The following POPDC1 variants were observed in gnomAD, a reference collection of about 807,000 sequenced individuals.
POPDC1 encodes the protein popeye domain-containing protein 1.
At chr6:105,106,507 T>C in the POPDC1 span, among the ~76,000 whole-genome samples, 2 of 152,196 alleles carry the variant, frequency 1.3e-5, no homozygotes, top group South Asian at 4.1e-4. Flanking sequence ...GTGGACACCT[T>C]TGCTCCTGCC....
At chr6:105,103,542 AACT>A in the POPDC1 span, among the ~76,000 whole-genome samples, 2 of 152,218 alleles carry the variant, frequency 1.3e-5, no homozygotes, top group Non-Finnish European at 2.9e-5. Flanking sequence ...CATAAATATT[AACT>A]TAGGCTGAGT....
chr6:105,115,365 G>A, the POPDC1 span, among the ~76,000 whole-genome samples: 416 of 152,300 alleles, frequency 2.7e-3, 5 homozygotes, highest in African/African-American at 9.4e-3. Context: ...TGATCTGCCC[G>A]CCTCAGCCTC....
chr6:105,133,669 T>G, the POPDC1 span: 1 of 985,484 alleles, frequency 1.0e-6, no homozygotes, highest in Non-Finnish European at 1.5e-6. Context: ...ATACCAAAAT[T>G]ATTTCTGTGA....
chr6:105,132,578 C>T, the POPDC1 span, among the ~76,000 whole-genome samples: 8 of 152,264 alleles, frequency 5.3e-5, no homozygotes, highest in East Asian at 1.9e-4. Context: ...AGGATGAAGA[C>T]GGCCTTCCTC....
At chr6:105,124,422 A>C in the POPDC1 span, 9 of 658,140 alleles carry the variant, frequency 1.4e-5, no homozygotes, top group South Asian at 1.2e-4. Context: ...ACAATACTAT[A>C]TATGCCCTAT....
the POPDC1 span, among the ~76,000 whole-genome samples, chr6:105,108,643 C>T: frequency 6.6e-6 from 1 of 152,142 alleles, no homozygotes; most frequent in Non-Finnish European, 1.5e-5. Flanking sequence ...TAAACCGTGG[C>T]ATGATTTTCA....
the POPDC1 span, among the ~76,000 whole-genome samples, chr6:105,116,163 GA>G: frequency 2.8e-3 from 426 of 152,294 alleles, no homozygotes; most frequent in South Asian, 7.9e-3. Context: ...ACTTATCACA[GA>G]AACGACGTTT....
chr6:105,126,599 C>T, the POPDC1 span, among the ~76,000 whole-genome samples: 1 of 152,168 alleles, frequency 6.6e-6, no homozygotes, highest in Admixed American at 6.5e-5. Context: ...CTATAAATAA[C>T]AGAAAACCTT....
chr6:105,123,160 T>C, the POPDC1 span, among the ~76,000 whole-genome samples: 1 of 152,232 alleles, frequency 6.6e-6, no homozygotes, highest in African/African-American at 2.4e-5. Context: ...CAGGTAGTAA[T>C]AGCCTCTTCG....
chr6:105,109,782 A>AAAAAAAAAAAAAAAAAAAAAAT, the POPDC1 span, among the ~76,000 whole-genome samples: 1 of 145,756 alleles, frequency 6.9e-6, no homozygotes, highest in Non-Finnish European at 1.5e-5. Flanking sequence ...AAAAAAAAAA[A>AAAAAAAAAAAAAAAAAAAAAAT]GATTAAGTGT....
the POPDC1 span, among the ~76,000 whole-genome samples, chr6:105,103,230 T>C: frequency 6.6e-6 from 1 of 152,234 alleles, no homozygotes; most frequent in East Asian, 1.9e-4. Context: ...ATAAAACAAC[T>C]TGATATTTGT....
At chr6:105,116,982 G>T in the POPDC1 span, 197 of 1,015,210 alleles carry the variant, frequency 1.9e-4, 1 homozygote, top group African/African-American at 3.0e-3. Flanking sequence ...GCAATGATTT[G>T]TCAAATTATA....
the POPDC1 span, among the ~76,000 whole-genome samples, chr6:105,106,886 G>A: frequency 2.6e-5 from 4 of 152,150 alleles, no homozygotes; most frequent in African/African-American, 9.7e-5. Context: ...GGAATGCAAC[G>A]TGAAATGATT....
chr6:105,107,993 C>A, the POPDC1 span, among the ~76,000 whole-genome samples: 1 of 152,102 alleles, frequency 6.6e-6, no homozygotes, highest in Non-Finnish European at 1.5e-5. Context: ...TCAGGCAAAG[C>A]GTACAAAATT....
the POPDC1 span, chr6:105,101,258 C>T: frequency 6.6e-7 from 1 of 1,526,148 alleles, no homozygotes; most frequent in Non-Finnish European, 8.8e-7. Flanking sequence ...GCACAATCTA[C>T]CCAGACCCTG....
At chr6:105,129,600 CT>C in the POPDC1 span, 1 of 1,237,504 alleles carries the variant, frequency 8.1e-7, no homozygotes, top group South Asian at 1.9e-5. Flanking sequence ...GTAGTCCTCC[CT>C]TTTCTGAAGG....
the POPDC1 span, chr6:105,136,208 A>AC: frequency 6.6e-6 from 1 of 152,244 alleles, no homozygotes; most frequent in Non-Finnish European, 1.5e-5. Flanking sequence ...TACATTGCTA[A>AC]GAGTCTTTTC....
At chr6:105,121,248 A>C in the POPDC1 span, among the ~76,000 whole-genome samples, 1 of 151,970 alleles carries the variant, frequency 6.6e-6, no homozygotes, top group Non-Finnish European at 1.5e-5. Context: ...ACAAGAAACC[A>C]AACAAAACAC....
At chr6:105,115,551 G>T in the POPDC1 span, 1 of 1,128,106 alleles carries the variant, frequency 8.9e-7, no homozygotes, top group Non-Finnish European at 1.2e-6. Context: ...AAATTTGATT[G>T]TTTTTATTGT....
Sources: allele counts gnomAD v4.1 joint callset (sites outside exome capture counted in the v4.1 genomes callset), GRCh38; gene constraint gnomAD v4.1.1; transcripts MANE v1.5; gene names NCBI Gene and HGNC (gene_info 2026-07-23, HGNC 2026-07-21).